The following SV2C variants were observed in gnomAD, a reference collection of about 807,000 sequenced individuals.
SV2C encodes the protein solute carrier family 22 member B3.
Under a neutral mutation model 79.7 loss-of-function variants are expected in SV2C, and 49 were observed. The ratio of observed to expected loss-of-function variants is 0.61; its 90% CI spans 0.49 to 0.78. The LOEUF is 0.78. SV2C is among the 30% of genes least tolerant of loss of function. The probability of loss-of-function intolerance (pLI) is 0.00; values close to 1 mark genes in which losing one functional copy is unlikely to be tolerated. For missense variants in SV2C, 833 were observed against 912.9 expected (o/e 0.91, Z 1.13); for synonymous variants, 334 against 333.2 (o/e 1.00, Z -0.03).
chr5:75,951,312 T>C, the SV2C span, among the ~76,000 whole-genome samples: 1 of 152,020 alleles, frequency 6.6e-6, no homozygotes, highest in African/African-American at 2.4e-5. Flanking sequence ...GAATTTTTGG[T>C]GGTGAGCCAG....
At chr5:76,222,005 T>TA (rs1745079252) in intron 4 of SV2C, among the ~76,000 whole-genome samples, 1 of 152,156 alleles carries the variant, frequency 6.6e-6, no homozygotes, top group South Asian at 2.1e-4. Context: ...AAAATTAGTA[T>TA]AAAAAATTAA....
chr5:76,186,251 C>A (rs1743912252), intron 2 of SV2C, among the ~76,000 whole-genome samples: 1 of 152,192 alleles, frequency 6.6e-6, no homozygotes, highest in Admixed American at 6.5e-5. Context: ...CCAAACTGTT[C>A]CAGCAACTGG....
At chr5:75,910,259 T>C in the SV2C span, 1 of 465,366 alleles carries the variant, frequency 2.1e-6, no homozygotes, top group Non-Finnish European at 4.2e-6. Flanking sequence ...CGAAACCTCA[T>C]CTCTACAAAA....
chr5:76,211,460 TTGCGTGTG>T (rs1181536745), intron 4 of SV2C, among the ~76,000 whole-genome samples: 1 of 101,938 alleles, frequency 9.8e-6, no homozygotes, highest in East Asian at 3.6e-4. Context: ...AGTGTTCTGG[TTGCGTGTG>T]TGTGTGTGTG....
the SV2C span, among the ~76,000 whole-genome samples, chr5:75,936,614 A>G: frequency 9.7e-4 from 148 of 152,320 alleles, no homozygotes; most frequent in African/African-American, 3.4e-3. Flanking sequence ...ACTTTGACGA[A>G]GCTTGAGTTT....
At chr5:76,243,818 A>G (rs746353367) in intron 4 of SV2C, among the ~76,000 whole-genome samples, 23 of 152,308 alleles carry the variant, frequency 1.5e-4, no homozygotes, top group Non-Finnish European at 2.9e-4. Context: ...GGTGTGCCCA[A>G]TCAGGTCCTG....
intron 2 of SV2C, among the ~76,000 whole-genome samples, chr5:76,181,708 A>G (rs1743738755): frequency 6.6e-6 from 1 of 152,172 alleles, no homozygotes; most frequent in African/African-American, 2.4e-5. Flanking sequence ...AACCACCCCC[A>G]TGATCAACCA....
At chr5:75,928,527 A>T in the SV2C span, among the ~76,000 whole-genome samples, 115 of 152,324 alleles carry the variant, frequency 7.5e-4, no homozygotes, top group East Asian at 6.0e-3. Flanking sequence ...ACTCCCTGCA[A>T]TTGTAATCAG....
At chr5:75,898,005 C>T in the SV2C span, among the ~76,000 whole-genome samples, 7 of 151,756 alleles carry the variant, frequency 4.6e-5, no homozygotes, top group Non-Finnish European at 8.8e-5. Context: ...ACAATCATAT[C>T]GTCTGCAAAC....
At chr5:75,910,806 A>G in the SV2C span, 6 of 1,330,548 alleles carry the variant, frequency 4.5e-6, no homozygotes, top group Admixed American at 1.7e-5. Flanking sequence ...ACCATCTTCC[A>G]AAACATTTCC....
At chr5:76,160,429 T>C (rs1215193629) in intron 2 of SV2C, among the ~76,000 whole-genome samples, 2 of 152,182 alleles carry the variant, frequency 1.3e-5, no homozygotes, top group African/African-American at 4.8e-5. Context: ...TAAACCTCTA[T>C]AGTTAATTGA....
upstream of SV2C, chr5:76,079,590 A>C: frequency 3.0e-6 from 1 of 328,918 alleles, no homozygotes; most frequent in South Asian, 3.4e-5. Flanking sequence ...GTATTGAAAC[A>C]GGATGGGAAA....
chr5:76,245,912 GTGTGTGTGTGTGTGTGTGTGTGTA>G (rs1231179322), intron 4 of SV2C, among the ~76,000 whole-genome samples: 2 of 29,220 alleles, frequency 6.8e-5, no homozygotes, highest in Non-Finnish European at 1.8e-4. Context: ...AGGCAGGGGA[GTGTGTGTGTGTGTGTGTGTGTGTA>G]TGTGTGTGTG....
At chr5:76,048,073 T>C in the SV2C span, among the ~76,000 whole-genome samples, 3 of 152,202 alleles carry the variant, frequency 2.0e-5, no homozygotes, top group Non-Finnish European at 4.4e-5. Context: ...CCACAATGTA[T>C]ATATACTTCA....
chr5:75,866,034 C>G, the SV2C span, among the ~76,000 whole-genome samples: 1 of 152,160 alleles, frequency 6.6e-6, no homozygotes, highest in East Asian at 1.9e-4. Context: ...AATGCATCCC[C>G]TGCAGTAAGT....
At chr5:75,898,876 C>A in the SV2C span, among the ~76,000 whole-genome samples, 9 of 152,188 alleles carry the variant, frequency 5.9e-5, no homozygotes, top group African/African-American at 2.2e-4. Flanking sequence ...GTAGTATTCT[C>A]TGATGGTAGT....
intron 4 of SV2C, among the ~76,000 whole-genome samples, chr5:76,251,908 T>G (rs774527605): frequency 5.3e-5 from 8 of 152,174 alleles, no homozygotes; most frequent in East Asian, 1.9e-4. Context: ...TACATAACAC[T>G]GACATAGAAT....
the SV2C span, among the ~76,000 whole-genome samples, chr5:75,934,037 A>C: frequency 6.6e-6 from 1 of 152,202 alleles, no homozygotes; most frequent in South Asian, 2.1e-4. Context: ...GGATTATCAC[A>C]TTCAATTCTC....
At chr5:76,059,684 A>G in the SV2C span, among the ~76,000 whole-genome samples, 10 of 152,124 alleles carry the variant, frequency 6.6e-5, no homozygotes, top group East Asian at 1.5e-3. Context: ...GTTGGCATCA[A>G]TTTCTTCCAA....
Sources: gnomAD v4.1 joint callset for allele counts (sites outside exome capture counted in the v4.1 genomes callset) on GRCh38, gnomAD v4.1.1 for gene constraint, MANE v1.5 for transcripts, NCBI Gene and HGNC (gene_info 2026-07-23, HGNC 2026-07-21) for gene names.